The following RAD54L2 variants were observed in gnomAD, a reference collection of about 807,000 sequenced individuals.
RAD54L2 encodes helicase ARIP4.
In RAD54L2, 27 loss-of-function variants were observed where a neutral mutation model predicts 138.4. That is an observed-to-expected ratio of 0.20 (90% confidence interval 0.14 to 0.27). The LOEUF is 0.27. Among genes scored for constraint, RAD54L2 ranks in the 10% least tolerant of loss-of-function variants. RAD54L2 has a pLI of 1.00. For synonymous variants in RAD54L2, 644 were observed against 723.2 expected (o/e 0.89, Z 1.76); for missense variants, 1,396 against 1,890.2 (o/e 0.74, Z 4.85).
rs1701870629 is a variant in RAD54L2 at position 51,664,416 on chromosome 3, A to G, written c.*996A>G. 6.6e-6 allele frequency: 1 copy of G among 152,184 alleles called. No homozygotes were observed. The highest frequency in any genetic ancestry group is 1.5e-5 in the Non-Finnish European group (1 of 68,056). The allele number at this position is 152,184 out of a possible 1,614,324, so 9.4% of individuals were successfully genotyped here. ...GAAAATACATTTTTCACCAGGGTAG[A>G]ACTGAGCCCCCAGCTGCCTATCCTG... On this transcript the variant is annotated 3_prime_UTR_variant, in exon 23 of 23. Transcript: ENST00000684192.
intron 15 of RAD54L2, among the ~76,000 whole-genome samples, chr3:51,642,523 C>T (rs2106820195): frequency 6.6e-6 from 1 of 152,010 alleles, no homozygotes; most frequent in East Asian, 1.9e-4. Flanking sequence ...AAATACAGAC[C>T]TCAGCACTGC....
At chr3:51,559,946 A>G (rs919994719) in intron 2 of RAD54L2, among the ~76,000 whole-genome samples, 1 of 152,126 alleles carries the variant, frequency 6.6e-6, no homozygotes, top group Non-Finnish European at 1.5e-5. Flanking sequence ...TTTCACATCT[A>G]TGTAGGATTT....
At chr3:51,574,958 T>G in intron 2 of RAD54L2, among the ~76,000 whole-genome samples, 1 of 152,258 alleles carries the variant, frequency 6.6e-6, no homozygotes, top group Non-Finnish European at 1.5e-5. Context: ...TAGGTTTTCT[T>G]CTAGGGTTTT....
chr3:51,607,620 G>A (rs527646963), intron 3 of RAD54L2, among the ~76,000 whole-genome samples: 14 of 152,300 alleles, frequency 9.2e-5, no homozygotes, highest in African/African-American at 3.4e-4. Flanking sequence ...GAGCTGTTGG[G>A]TACACCTCCC....
chr3:51,592,679 A>G (rs1336915372), intron 3 of RAD54L2, among the ~76,000 whole-genome samples: 3 of 151,358 alleles, frequency 2.0e-5, no homozygotes, highest in African/African-American at 4.9e-5. Flanking sequence ...GGTTCTAGCA[A>G]TTCTCCTGCC....
At chr3:51,548,685 A>T (rs1266117270) in intron 2 of RAD54L2, among the ~76,000 whole-genome samples, 1 of 152,088 alleles carries the variant, frequency 6.6e-6, no homozygotes, top group Non-Finnish European at 1.5e-5. Flanking sequence ...TCCTCATAAG[A>T]TATTGTTAGG....
chr3:51,656,298 T>C (rs758214129), intron 20 of RAD54L2, 128 bp downstream of exon 20: 51 of 845,272 alleles, frequency 6.0e-5, no homozygotes, highest in Non-Finnish European at 8.5e-5. Flanking sequence ...TGGTAAAAAA[T>C]AGGGAAGACA....
chr3:51,632,325 A>T (rs1700866773), intron 7 of RAD54L2, among the ~76,000 whole-genome samples: 1 of 151,698 alleles, frequency 6.6e-6, no homozygotes, highest in African/African-American at 2.4e-5. Flanking sequence ...ACGAAGTCTC[A>T]CTCTGTAGCC....
intron 21 of RAD54L2, among the ~76,000 whole-genome samples, chr3:51,659,205 A>T (rs1701693739): frequency 1.4e-5 from 2 of 143,680 alleles, no homozygotes; most frequent in South Asian, 4.3e-4. Flanking sequence ...TCCCGGGTTC[A>T]TGCCATTCTC....
Position 51,656,051 on chromosome 3 carries a change from G to T in RAD54L2, c.3107G>T (p.Arg1036Leu). 6.2e-7 allele frequency: 1 copy of T among 1,613,916 alleles called. No individual in the cohort carries two copies. The highest frequency in any genetic ancestry group is 8.5e-7 in the Non-Finnish European group (1 of 1,179,846). ...VQSTPIPMMPRHVPLGGSVSS... is the reference protein window; with the variant it reads ...VQSTPIPMMPLHVPLGGSVSS... ...TCCACCCCCATCCCCATGATGCCCC[G>T]GCATGTCCCATTGGGAGGAAGTGTA... Residue 1036 changes from arginine (R) to leucine (L), a missense_variant, in exon 20 of 23, where the codon CGG becomes CTG. This residue lies in a region of RAD54L2 where 634 missense variants were observed against 711.2 expected (regional missense o/e 0.89). Transcript: ENST00000684192.
In RAD54L2 at chr3:51,663,523, G is replaced by C. The variant is rs1183369334; in HGVS notation, c.*103G>C. 7.5e-7 allele frequency: 1 copy of C among 1,329,550 alleles called. No individual in the cohort carries two copies. Among genetic ancestry groups the C allele is most frequent in the East Asian group, 2.5e-5 (1 of 40,498 alleles). The allele number at this position is 1,329,550 out of a possible 1,614,324, so 82.4% of individuals were successfully genotyped here. A position where few individuals can be genotyped will look rare whatever the true frequency, so the allele number is the denominator to read the frequency against. On this transcript the variant is annotated 3_prime_UTR_variant, in exon 23 of 23. Transcript: ENST00000684192. The stretch of plus-strand genomic sequence containing the variant: ...TTGAGAATAGGACACTTGGCAGGAG[G>C]GAAAAGGAAGAGGACAAAGGAGGGT...
intron 21 of RAD54L2, among the ~76,000 whole-genome samples, chr3:51,658,873 T>C (rs1258392825): frequency 6.6e-6 from 1 of 152,006 alleles, no homozygotes; most frequent in Non-Finnish European, 1.5e-5. Context: ...TGTTATAATA[T>C]CTGCGAGATA....
chr3:51,543,479 A>T (rs1248922391), intron 2 of RAD54L2, among the ~76,000 whole-genome samples: 1 of 152,188 alleles, frequency 6.6e-6, no homozygotes, highest in East Asian at 1.9e-4. Context: ...ATAGTGGCGC[A>T]TGCCTGTAAT....
At chr3:51,634,927 T>C (rs752170211) in intron 9 of RAD54L2, among the ~76,000 whole-genome samples, 2 of 152,200 alleles carry the variant, frequency 1.3e-5, no homozygotes. Context: ...TTTCCCCTCA[T>C]TGGTGTGGAT....
Position 51,547,038 on chromosome 3 carries a change from C to CA in RAD54L2, c.-55+5396dup, listed in dbSNP as rs201041530. Among the ~76,000 whole-genome samples, 340 of 150,660 alleles carry CA rather than the reference C, an allele frequency of 2.3e-3. 2 individuals are homozygous for CA. The highest frequency in any genetic ancestry group is 7.8e-3 in the African/African-American group (319 of 41,102). On this transcript the variant is annotated intron_variant, in intron 2 of 22. Transcript: ENST00000684192. ...AGTGAAACTTGACTCTGTCTTTAAA[C>CA]AAAAAAAAGAAAGGAAGTTGTTGGT...
chr3:51,653,875 T>C (rs1024687169), intron 19 of RAD54L2, among the ~76,000 whole-genome samples: 1 of 152,170 alleles, frequency 6.6e-6, no homozygotes, highest in Non-Finnish European at 1.5e-5. Flanking sequence ...GGCACATGTA[T>C]ACATACGTAA....
chr3:51,645,091 C>T lies in RAD54L2; in HGVS notation c.2518C>T (p.Pro840Ser). 1 of 1,613,954 alleles carries T rather than the reference C, an allele frequency of 6.2e-7. No homozygotes were observed. The highest frequency in any genetic ancestry group is 8.5e-7 in the Non-Finnish European group (1 of 1,179,896). Reference sequence around the variant, plus strand: ...GGTGGTGTTTGATGCTTCCTGGAACCCTTGCCATGATGCCCAGGCAGTATG... The same window carrying T: ...GGTGGTGTTTGATGCTTCCTGGAACTCTTGCCATGATGCCCAGGCAGTATG... ...RVVVFDASWN[P>S]CHDAQAVCRV... The change falls in exon 17 of 23, where the codon CCT (proline) becomes TCT (serine). Residue 840 changes from proline to serine, a missense_variant. Physicochemically the swap from Pro to Ser is moderately conservative, Grantham distance 74 (BLOSUM62 -1). Around this residue, in one of 7 missense-constraint regions of RAD54L2, gnomAD observed 78 missense variants for 171.6 expected, o/e 0.45. Coordinates refer to ENST00000684192, the MANE Select transcript of RAD54L2 (RefSeq NM_015106.4). The surrounding 1 kb of genome is among the most constrained non-coding windows in gnomAD (Gnocchi z 6.1).
In RAD54L2 at chr3:51,617,867, A is replaced by T. The variant is rs78163754; in HGVS notation, c.140-9686A>T. On this transcript the variant is annotated intron_variant, in intron 3 of 22. Transcript: ENST00000684192. ...CACAGCACTTCAACTCTCGTGACAG[A>T]GCAAAATTCTGTCTCTAAAATATAA... Among the ~76,000 whole-genome samples the T allele has an allele frequency of 6.5e-4, 99 of 152,320 alleles. 2 individuals carry two copies. The East Asian group carries it at 0.019, about 29-fold the overall frequency.
chr3:51,601,288 A>G (rs1184568339), intron 3 of RAD54L2, among the ~76,000 whole-genome samples: 1 of 149,812 alleles, frequency 6.7e-6, no homozygotes, highest in Non-Finnish European at 1.5e-5. Context: ...CTGAGATTAC[A>G]GGCATGAACC....
Sources: gnomAD v4.1 joint callset for allele counts (sites outside exome capture counted in the v4.1 genomes callset) on GRCh38, gnomAD v4.1.1 for gene constraint, gnomAD v4.1.1 regional missense constraint, Gnocchi (gnomAD v3.1) non-coding constraint, MANE v1.5 for transcripts, NCBI Gene and HGNC (gene_info 2026-07-23, HGNC 2026-07-21) for gene names.